Variants in PARG observed in about 807,000 individuals in gnomAD.
PARG encodes the protein mitochondrial poly(ADP-ribose) glycohydrolase.
PARG carries 35 observed loss-of-function variants against 113.0 expected under a neutral mutation model. The observed-to-expected ratio is 0.31, with a 90% CI of 0.24 to 0.41. The LOEUF (loss-of-function observed/expected upper bound fraction) is 0.41, where lower values mean the gene tolerates loss of function less well. PARG is among the 10% of genes least tolerant of loss of function. PARG has a pLI of 1.00. For missense variants in PARG, 797 were observed against 1,169.4 expected, an observed-to-expected ratio of 0.68 and a Z score of 4.64; for synonymous variants, 330 against 409.9, an observed-to-expected ratio of 0.81 and a Z score of 2.36.
intron 7 of PARG, among the ~76,000 whole-genome samples, chr10:49,886,663 T>C (rs1213882116): frequency 6.6e-6 from 1 of 152,130 alleles, no homozygotes; most frequent in Non-Finnish European, 1.5e-5. Flanking sequence ...GTGTTTATAC[T>C]ATCCAACTGA....
At chr10:49,912,241 A>G (rs1448469721) in intron 7 of PARG, among the ~76,000 whole-genome samples, 2 of 152,194 alleles carry the variant, frequency 1.3e-5, no homozygotes, top group Non-Finnish European at 2.9e-5. Flanking sequence ...TGGAGGTTAC[A>G]ATGAGCCGAG....
At chr10:49,835,852 A>G (rs1844893538) in intron 15 of PARG, among the ~76,000 whole-genome samples, 1 of 152,142 alleles carries the variant, frequency 6.6e-6, no homozygotes, top group African/African-American at 2.4e-5. Flanking sequence ...ACAACGAAGC[A>G]CAAACGTGAC....
chr10:49,819,683 T>C (rs1843971350), intron 17 of PARG, among the ~76,000 whole-genome samples, 189 bp from the exon 18 acceptor site: 1 of 152,234 alleles, frequency 6.6e-6, no homozygotes, highest in Non-Finnish European at 1.5e-5. Flanking sequence ...TAACACTCTT[T>C]AAAGAAACAA....
intron 16 of PARG, among the ~76,000 whole-genome samples, chr10:49,830,691 T>C (rs1358237346): frequency 6.6e-6 from 1 of 152,122 alleles, no homozygotes; most frequent in African/African-American, 2.4e-5. Context: ...ACGAAAACTG[T>C]TGAACCTTAG....
Position 49,819,394 on chromosome 10 carries a change from AGCAT to A in PARG, c.2873_2876del (p.His958LeufsTer24), listed in dbSNP as rs1843954987. 6.4e-7 allele frequency: 1 copy of A among 1,551,488 alleles called. No homozygotes were observed. The highest frequency in any genetic ancestry group is 1.2e-5 in the South Asian group (1 of 84,054). The stretch of plus-strand genomic sequence containing the variant: ...CAGCGGTCTCTGCACAGGACTCGAC[AGCAT>A]GGTATATGAATGGATAAAGCTTGAT... On this transcript the variant is annotated frameshift_variant, in exon 18 of 18. Transcript: ENST00000616448. LOFTEE classifies it high-confidence loss of function.
intron 13 of PARG, among the ~76,000 whole-genome samples, chr10:49,844,624 A>G (rs1845414657): frequency 1.3e-5 from 1 of 75,052 alleles, no homozygotes; most frequent in Non-Finnish European, 3.2e-5. Flanking sequence ...CTCCATCTCA[A>G]AAAAAAAAAA....
intron 12 of PARG, among the ~76,000 whole-genome samples, chr10:49,858,672 A>C: frequency 7.2e-6 from 1 of 139,312 alleles, no homozygotes; most frequent in Non-Finnish European, 1.5e-5. Flanking sequence ...GAGTTCTTCA[A>C]TTGAGCTACC....
chr10:49,824,688 T>A (rs1419684457), intron 16 of PARG, among the ~76,000 whole-genome samples: 1 of 152,168 alleles, frequency 6.6e-6, no homozygotes, highest in Admixed American at 6.5e-5. Flanking sequence ...AACACTGGGC[T>A]CTTATAGCAT....
chr10:49,900,651 C>T (rs1348889545), intron 7 of PARG, among the ~76,000 whole-genome samples: 1 of 152,160 alleles, frequency 6.6e-6, no homozygotes, highest in South Asian at 2.1e-4. Flanking sequence ...AATAATACAC[C>T]CTCATTATCC....
At chr10:49,847,117 TAATA>T (rs1239987378) in intron 13 of PARG, among the ~76,000 whole-genome samples, 5 of 151,266 alleles carry the variant, frequency 3.3e-5, no homozygotes, top group Admixed American at 2.0e-4. Flanking sequence ...TAATAAATAT[TAATA>T]AATAAGTATA....
chr10:49,819,230 G>T lies in PARG; in HGVS notation c.*110C>A. 1 of 870,842 alleles carries T rather than the reference G, an allele frequency of 1.1e-6. No individual in the cohort carries two copies. The highest frequency in any genetic ancestry group is 1.7e-6 in the Non-Finnish European group (1 of 572,790). The allele number at this position is 870,842 out of a possible 1,614,324, so 53.9% of individuals were successfully genotyped here. A position where few individuals can be genotyped will look rare whatever the true frequency, so the allele number is the denominator to read the frequency against. ...AGATTGCGTCCTTGACTACAAATGT[G>T]GATTATGTACACATTTATATTAACT... is the stretch of plus-strand genomic sequence containing the variant. On this transcript the variant is annotated 3_prime_UTR_variant, in exon 18 of 18. Coordinates refer to ENST00000616448, the MANE Select transcript of PARG (RefSeq NM_003631.5).
intron 7 of PARG, among the ~76,000 whole-genome samples, chr10:49,897,472 C>T (rs1471331757): frequency 3.3e-5 from 5 of 152,202 alleles, no homozygotes; most frequent in Admixed American, 2.0e-4. Flanking sequence ...ACACTTACTG[C>T]GGTTATTACA....
At chr10:49,880,532 T>C (rs1847162914) in intron 8 of PARG, among the ~76,000 whole-genome samples, 1 of 152,256 alleles carries the variant, frequency 6.6e-6, no homozygotes, top group Non-Finnish European at 1.5e-5. Flanking sequence ...TACCTTTTAT[T>C]GTCAGTATAA....
Position 49,832,854 on chromosome 10 carries a change from C to T in PARG, c.2596G>A (p.Ala866Thr). ...GCACCACAGCCCCAGTTTCCTGTGG[C>T]CACTGCAGAAAGATTCTCTGAAGAA... ...GVSSENLSAV[A>T]TGNWGCGAFG... is the part of the protein sequence containing the mutation. The change falls in exon 16 of 18, where the codon GCC becomes ACC. Residue 866 changes from alanine (A) to threonine (T), a missense_variant. Physicochemically the swap from Ala to Thr is moderately conservative, Grantham distance 58 (BLOSUM62 0). This residue lies in a region of PARG where 194 missense variants were observed against 247.1 expected (regional missense o/e 0.79). Coordinates refer to ENST00000616448, the MANE Select transcript of PARG (RefSeq NM_003631.5). 1 of 1,550,674 alleles carries T rather than the reference C, an allele frequency of 6.4e-7. No homozygotes were observed. Among genetic ancestry groups the T allele is most frequent in the Non-Finnish European group, 8.7e-7 (1 of 1,146,212 alleles).
At chr10:49,878,099 T>C (rs1281679833) in intron 9 of PARG, among the ~76,000 whole-genome samples, 1 of 151,950 alleles carries the variant, frequency 6.6e-6, no homozygotes, top group African/African-American at 2.4e-5. Flanking sequence ...GGATCATTTC[T>C]GTGGTATTCT....
chr10:49,895,794 C>A (rs1848055421), intron 7 of PARG, among the ~76,000 whole-genome samples: 1 of 152,094 alleles, frequency 6.6e-6, no homozygotes. Flanking sequence ...TTTCTCTCAG[C>A]AATGTTTTAC....
At chr10:49,935,844 C>T (rs1424769779) in intron 1 of PARG, among the ~76,000 whole-genome samples, 5 of 152,066 alleles carry the variant, frequency 3.3e-5, no homozygotes, top group Non-Finnish European at 5.9e-5. Flanking sequence ...CAGCCAGGAT[C>T]ATACCATACA....
chr10:49,922,201 G>C (rs1242228536), intron 6 of PARG, 135 bp downstream of exon 6: 23 of 833,378 alleles, frequency 2.8e-5, no homozygotes, highest in Admixed American at 8.3e-5. Flanking sequence ...TGTCTCTAAG[G>C]GGCCTTCCTT....
intron 9 of PARG, among the ~76,000 whole-genome samples, chr10:49,877,200 A>G (rs1846984437): frequency 6.8e-6 from 1 of 147,128 alleles, no homozygotes. Flanking sequence ...ATGCACTGAA[A>G]TGTCTAGTTT....
Sources: allele counts gnomAD v4.1 joint callset (sites outside exome capture counted in the v4.1 genomes callset), GRCh38; gene constraint gnomAD v4.1.1; regional missense constraint gnomAD v4.1.1; transcripts MANE v1.5; gene names NCBI Gene and HGNC (gene_info 2026-07-23, HGNC 2026-07-21).